Variants in SIK3 observed in about 807,000 individuals in gnomAD.
The protein encoded by SIK3 is SIK family kinase 3.
SIK3 carries 28 observed loss-of-function variants against 144.2 expected under a neutral mutation model. The ratio of observed to expected loss-of-function variants is 0.19; its 90% CI spans 0.14 to 0.27. SIK3 has a LOEUF of 0.27. Among genes scored for constraint, SIK3 ranks in the 10% least tolerant of loss-of-function variants. SIK3 has a pLI of 1.00. For missense variants in SIK3, 1,319 were observed against 1,776.0 expected (o/e 0.74, Z 4.62); for synonymous variants, 686 against 676.3 (o/e 1.01, Z -0.22).
chr11:116,999,724 C>T (rs996333704), intron 1 of SIK3, among the ~76,000 whole-genome samples: 4 of 152,060 alleles, frequency 2.6e-5, no homozygotes, highest in Non-Finnish European at 2.9e-5. Context: ...TGCACCCAGC[C>T]CATTTTCATT....
chr11:116,954,703 T>C (rs556306459), intron 2 of SIK3, among the ~76,000 whole-genome samples: 2 of 152,358 alleles, frequency 1.3e-5, no homozygotes, highest in South Asian at 2.1e-4. Flanking sequence ...TGCTCCTTTT[T>C]AAAATTCATT....
At chr11:116,992,339 C>T (rs973365972) in intron 1 of SIK3, among the ~76,000 whole-genome samples, 4 of 144,476 alleles carry the variant, frequency 2.8e-5, no homozygotes, top group Middle Eastern at 3.3e-3. Flanking sequence ...AAAAAAACAC[C>T]TCATATATTT....
intron 21 of SIK3, among the ~76,000 whole-genome samples, chr11:116,855,097 A>AAAAAAAAAAAAAC (rs1942788273): frequency 6.6e-6 from 1 of 151,526 alleles, no homozygotes; most frequent in Non-Finnish European, 1.5e-5. Context: ...AAAAAAAAAA[A>AAAAAAAAAAAAAC]AAAAAAAAAA....
At position 116,861,796 on chromosome 11, in the gene SIK3, G is replaced by T. The variant is rs2075292; in HGVS notation, c.2315+45C>A. 1,114,431 of 1,310,282 alleles carry T rather than the reference G, an allele frequency of 0.85. 480,150 individuals are homozygous for T. The highest frequency in any genetic ancestry group is 0.92 in the African/African-American group (63,216 of 68,952). The allele number at this position is 1,310,282 out of a possible 1,614,324, so 81.2% of individuals were successfully genotyped here. On this transcript the variant is annotated intron_variant, in intron 18 of 24. Transcript: ENST00000445177. Reference sequence around the variant, plus strand: ...CCAGTGAGTCAAGCCAAGGGTACCAGGCTATCGAGACAATGGCTTAGGCAC... The same window carrying T: ...CCAGTGAGTCAAGCCAAGGGTACCATGCTATCGAGACAATGGCTTAGGCAC...
chr11:117,057,795 A>G (rs139590964), intron 1 of SIK3, among the ~76,000 whole-genome samples: 1 of 152,280 alleles, frequency 6.6e-6, no homozygotes, highest in East Asian at 1.9e-4. Flanking sequence ...CATCTATAAG[A>G]TGCAGATAAT....
chr11:116,989,821 T>C (rs1363240131), intron 1 of SIK3, among the ~76,000 whole-genome samples: 2 of 152,188 alleles, frequency 1.3e-5, no homozygotes, highest in African/African-American at 4.8e-5. Context: ...ATTTTTAAGT[T>C]AAGCAGATAG....
intron 1 of SIK3, among the ~76,000 whole-genome samples, chr11:117,027,503 G>A (rs1224601069): frequency 6.6e-6 from 1 of 151,738 alleles, no homozygotes; most frequent in East Asian, 1.9e-4. Context: ...TTGTCGCCCA[G>A]GCTGGATGGA....
At chr11:117,009,558 A>T (rs1486895637) in intron 1 of SIK3, among the ~76,000 whole-genome samples, 1 of 152,088 alleles carries the variant, frequency 6.6e-6, no homozygotes, top group Non-Finnish European at 1.5e-5. Flanking sequence ...GGTCTCAAAA[A>T]AAAAAACAAA....
At chr11:116,866,377 T>G (rs548638) in intron 15 of SIK3, among the ~76,000 whole-genome samples, 23,092 of 150,820 alleles carry the variant, frequency 0.15, 2,378 homozygotes, top group Middle Eastern at 0.23. Context: ...CTTGAAGTTA[T>G]GAGAAATCAC....
At position 116,983,938 on chromosome 11, in the gene SIK3, C is replaced by T. The variant is rs1205494011; in HGVS notation, c.274-26874G>A. ...TGGTGGCACACGCCTGTAGTCCCAG[C>T]TACTTGGGTGGCTGAGGCAGGAGGA... On this transcript the variant is annotated intron_variant, in intron 1 of 24. Coordinates refer to ENST00000445177, the MANE Select transcript of SIK3 (RefSeq NM_001366686.3). Among the ~76,000 whole-genome samples, 26 of 150,974 alleles carry T rather than the reference C, an allele frequency of 1.7e-4. No homozygotes were observed. In the East Asian group the frequency reaches 5.1e-3, roughly 29 times the overall value.
chr11:117,026,606 C>T (rs1952020499), intron 1 of SIK3, among the ~76,000 whole-genome samples: 1 of 152,110 alleles, frequency 6.6e-6, no homozygotes. Flanking sequence ...TTAAAAATGT[C>T]CCAAAGCAAA....
At position 116,875,959 on chromosome 11, in the gene SIK3, C is replaced by T; in HGVS notation, c.1146G>A (p.Leu382=). 6.2e-7 allele frequency: 1 copy of T among 1,613,736 alleles called. No individual in the cohort carries two copies. The highest frequency in any genetic ancestry group is 8.5e-7 in the Non-Finnish European group (1 of 1,179,924). The part of the protein sequence containing the change: ...YDHYSAIYSL[L]CDRHKRHKTL... ...TTTTATGTCTCTTATGTCGATCACA[C>T]AGCAGGCTGTAGATTGCACTATAGT... Residue 382 remains leucine, a synonymous_variant, in exon 9 of 25, where the codon CTG becomes CTA. Coordinates refer to ENST00000445177, the MANE Select transcript of SIK3 (RefSeq NM_001366686.3).
chr11:117,092,037 G>GC (rs945444901), intron 1 of SIK3, among the ~76,000 whole-genome samples: 6 of 151,590 alleles, frequency 4.0e-5, no homozygotes, highest in East Asian at 1.9e-4. Flanking sequence ...CCTGCCTCAT[G>GC]CCCCCCCAAA....
chr11:117,063,130 A>G (rs1232311383), intron 1 of SIK3, among the ~76,000 whole-genome samples: 1 of 152,236 alleles, frequency 6.6e-6, no homozygotes, highest in Non-Finnish European at 1.5e-5. Flanking sequence ...AATGTATTAC[A>G]TGTATATCTG....
intron 3 of SIK3, among the ~76,000 whole-genome samples, chr11:116,945,274 G>A (rs145494717): frequency 1.0e-3 from 152 of 151,606 alleles, no homozygotes; most frequent in Admixed American, 1.7e-3. Flanking sequence ...AGTGGCTGTC[G>A]TGTTGGGCAG....
chr11:116,958,937 T>G (rs7120173), intron 1 of SIK3, among the ~76,000 whole-genome samples: 23,760 of 152,200 alleles, frequency 0.16, 2,469 homozygotes, highest in Non-Finnish European at 0.23. Context: ...CTAGAACAAA[T>G]AGCTTGGTCT....
Position 116,875,145 on chromosome 11 carries a change from G to A in SIK3, c.1427+13C>T, listed in dbSNP as rs1239295225. The A allele has an allele frequency of 1.2e-6, 2 of 1,607,400 alleles. No homozygotes were observed. Among genetic ancestry groups the A allele is most frequent in the Non-Finnish European group, 1.7e-6 (2 of 1,174,940 alleles). ...GCCCCAGTGTTAGTGAGGGCTGTTG[G>A]CCGGATACTCACCGTGGGTCAGCCA... On this transcript the variant is annotated intron_variant, in intron 11 of 24. Coordinates refer to ENST00000445177, the MANE Select transcript of SIK3 (RefSeq NM_001366686.3).
Position 116,858,540 on chromosome 11 carries a change from T to C in SIK3, c.2925A>G (p.Gln975=), listed in dbSNP as rs752408736. The change falls in exon 21 of 25, where the codon CAA becomes CAG. Residue 975 remains glutamine (Q), a synonymous_variant. Coordinates refer to ENST00000445177, the MANE Select transcript of SIK3 (RefSeq NM_001366686.3). This position sits in a 1 kb window ranked among gnomAD's most constrained non-coding sequence, Gnocchi z 5.4. The stretch of plus-strand genomic sequence containing the variant: ...GTGCACTGGGAGGGAAGGTGGGGAA[T>C]TGGTCAAGTGGAGGGACTTTCAGGG... ...TQALKVPPLD[Q]FPTFPPSAHQ... 4 of 1,613,060 alleles carry C rather than the reference T, an allele frequency of 2.5e-6. No homozygotes were observed. Among genetic ancestry groups the C allele is most frequent in the South Asian group, 2.2e-5 (2 of 90,922 alleles).
At chr11:116,997,451 C>G (rs1415471079) in intron 1 of SIK3, among the ~76,000 whole-genome samples, 3 of 152,182 alleles carry the variant, frequency 2.0e-5, no homozygotes, top group African/African-American at 7.2e-5. Context: ...TATTCTATAT[C>G]AAAACACTTT....
Sources: gnomAD v4.1 joint callset for allele counts (sites outside exome capture counted in the v4.1 genomes callset) on GRCh38, gnomAD v4.1.1 for gene constraint, Gnocchi (gnomAD v3.1) non-coding constraint, MANE v1.5 for transcripts, NCBI Gene and HGNC (gene_info 2026-07-23, HGNC 2026-07-21) for gene names.